The following DPF3 variants were observed in gnomAD, a reference collection of about 807,000 sequenced individuals.
DPF3 encodes the protein zinc finger protein DPF3.
A neutral mutation model predicts 56.8 loss-of-function variants in DPF3; 18 were observed. That is an observed-to-expected ratio of 0.32 (90% CI 0.22 to 0.47). The LOEUF is 0.47. Among genes scored for constraint, DPF3 ranks in the 20% least tolerant of loss-of-function variants. The pLI is 1.00. For missense variants in DPF3, 403 were observed against 488.8 expected, an observed-to-expected ratio of 0.82 and a Z score of 1.65; for synonymous variants, 188 against 180.2, an observed-to-expected ratio of 1.04 and a Z score of -0.35.
At chr14:72,778,029 GCT>G (rs1174758464) in intron 1 of DPF3, among the ~76,000 whole-genome samples, 2 of 152,206 alleles carry the variant, frequency 1.3e-5, no homozygotes, top group Non-Finnish European at 2.9e-5. Context: ...ACATGAGCAA[GCT>G]CTCTCACTCT....
Position 72,630,779 on chromosome 14 carries a change from G to A in DPF3, c.872-1043C>T, listed in dbSNP as rs182927100. 5.3e-5 allele frequency among the ~76,000 whole-genome samples: 8 copies of A among 152,270 alleles called. No individual in the cohort carries two copies. The East Asian group carries it at 5.8e-4, about 11-fold the overall frequency. ...AACATTGACAGCTTTGCCCAGTGCC[G>A]AGCACTCACCGTTCTCCAGAGCTTC... On this transcript the variant is annotated intron_variant, in intron 8 of 10. Transcript: ENST00000556509.
rs994379536 is a variant in DPF3, at chr14:72,612,744, C to T, written c.*6553G>A. The T allele has an allele frequency of 2.5e-6, 1 of 392,858 alleles. No homozygotes were observed. The highest frequency in any genetic ancestry group is 5.1e-6 in the Non-Finnish European group (1 of 197,276). The allele number at this position is 392,858 out of a possible 1,614,324, so 24.3% of individuals were successfully genotyped here. ...GAATTGAGACTTTTGAAGTACCCAA[C>T]TATTGCCAAATATCTTTCATGAAAA... On this transcript the variant is annotated 3_prime_UTR_variant, in exon 11 of 11. Coordinates refer to ENST00000556509, the MANE Select transcript of DPF3 (RefSeq NM_001280542.3).
chr14:72,760,576 A>G (rs1891030004), intron 2 of DPF3, among the ~76,000 whole-genome samples: 1 of 152,244 alleles, frequency 6.6e-6, no homozygotes, highest in Non-Finnish European at 1.5e-5. Context: ...TCTATTAATC[A>G]CAGTACTATT....
At chr14:72,729,424 G>T (rs1005660680) in intron 4 of DPF3, among the ~76,000 whole-genome samples, 13 of 152,158 alleles carry the variant, frequency 8.5e-5, no homozygotes, top group Admixed American at 5.2e-4. Context: ...TGGAGTGGGT[G>T]AGGAAAAGAG....
intron 8 of DPF3, among the ~76,000 whole-genome samples, chr14:72,634,746 A>AT (rs1039269418): frequency 7.2e-5 from 11 of 151,794 alleles, no homozygotes; most frequent in African/African-American, 2.2e-4. Context: ...GGAAATCTAG[A>AT]TTTTTTCATA....
intron 1 of DPF3, among the ~76,000 whole-genome samples, chr14:72,818,800 G>A (rs962132558): frequency 7.9e-5 from 12 of 152,094 alleles, no homozygotes; most frequent in African/African-American, 2.9e-4. Context: ...TTTATGTTAC[G>A]TATATTTTAC....
At chr14:72,767,893 C>A (rs1272347926) in intron 2 of DPF3, among the ~76,000 whole-genome samples, 5 of 151,108 alleles carry the variant, frequency 3.3e-5, no homozygotes, top group Admixed American at 3.3e-4. Flanking sequence ...AAAGAAAAAA[C>A]TTGAAAACAA....
chr14:72,843,978 C>T (rs550133340), intron 1 of DPF3, among the ~76,000 whole-genome samples: 1 of 152,346 alleles, frequency 6.6e-6, no homozygotes, highest in East Asian at 1.9e-4. Context: ...AGGGTAATAA[C>T]TTGCCCAAAG....
At chr14:72,619,615 C>T (rs1216097585) in intron 10 of DPF3, among the ~76,000 whole-genome samples, 11 of 152,178 alleles carry the variant, frequency 7.2e-5, no homozygotes, top group Admixed American at 4.6e-4. Context: ...GCCGGGCCTG[C>T]GCCAGTTCTC....
chr14:72,876,803 A>G (rs1886134771), intron 1 of DPF3, among the ~76,000 whole-genome samples: 1 of 152,186 alleles, frequency 6.6e-6, no homozygotes, highest in African/African-American at 2.4e-5. Context: ...TCTGTCTTCC[A>G]ATTTCAAGGA....
chr14:72,657,314 C>A (rs1886086285), intron 8 of DPF3, among the ~76,000 whole-genome samples: 1 of 152,136 alleles, frequency 6.6e-6, no homozygotes, highest in Non-Finnish European at 1.5e-5. Flanking sequence ...ACTCATAAGA[C>A]CCAAGTTGCT....
chr14:72,832,958 G>C (rs372146281), intron 1 of DPF3, among the ~76,000 whole-genome samples: 1 of 152,172 alleles, frequency 6.6e-6, no homozygotes, highest in East Asian at 1.9e-4. Flanking sequence ...CCATGAGCAG[G>C]GGAATATGAC....
chr14:72,893,981 C>A (rs1886882688), intron 1 of DPF3, 76 bp downstream of exon 1: 2 of 1,576,994 alleles, frequency 1.3e-6, no homozygotes, highest in Admixed American at 3.5e-5. Flanking sequence ...GCTCTGGCAG[C>A]GCTCGCCACG....
At chr14:72,642,624 G>T (rs1885597188) in intron 8 of DPF3, among the ~76,000 whole-genome samples, 1 of 152,166 alleles carries the variant, frequency 6.6e-6, no homozygotes, top group South Asian at 2.1e-4. Context: ...GGTCCAACTT[G>T]TTTCCATGGC....
At chr14:72,800,407 T>C (rs1165470305) in intron 1 of DPF3, among the ~76,000 whole-genome samples, 1 of 152,042 alleles carries the variant, frequency 6.6e-6, no homozygotes, top group East Asian at 1.9e-4. Context: ...GATGGATGGA[T>C]GGATGGATGG....
chr14:72,822,336 A>C (rs1189101535), intron 1 of DPF3, among the ~76,000 whole-genome samples: 1 of 152,144 alleles, frequency 6.6e-6, no homozygotes, highest in Non-Finnish European at 1.5e-5. Flanking sequence ...GTGAGCCAAG[A>C]TTGCTCCACT....
chr14:72,770,802 G>T (rs1003332407), intron 2 of DPF3, among the ~76,000 whole-genome samples: 1 of 152,280 alleles, frequency 6.6e-6, no homozygotes, highest in East Asian at 1.9e-4. Flanking sequence ...TCCTGTAGCT[G>T]TCTCCCTAAT....
chr14:72,656,910 G>A (rs1886077066), intron 8 of DPF3, among the ~76,000 whole-genome samples: 1 of 152,184 alleles, frequency 6.6e-6, no homozygotes, highest in Admixed American at 6.5e-5. Context: ...CACCTATCAT[G>A]ACTAGCTCAT....
intron 5 of DPF3, among the ~76,000 whole-genome samples, chr14:72,718,557 A>T (rs954182081): frequency 1.3e-5 from 2 of 152,132 alleles, no homozygotes; most frequent in Admixed American, 6.5e-5. Context: ...CTAGTTTAAA[A>T]TTTGTTTTAT....
Sources: gnomAD v4.1 joint callset for allele counts (sites outside exome capture counted in the v4.1 genomes callset) on GRCh38, gnomAD v4.1.1 for gene constraint, MANE v1.5 for transcripts, NCBI Gene and HGNC (gene_info 2026-07-23, HGNC 2026-07-21) for gene names.